Variants in LHPP observed in about 807,000 individuals in gnomAD.
LHPP encodes phospholysine phosphohistidine inorganic pyrophosphate phosphatase.
LHPP carries 24 observed loss-of-function variants against 30.3 expected under a neutral mutation model. The ratio of observed to expected loss-of-function variants is 0.79; its 90% confidence interval spans 0.57 to 1.11. The LOEUF is 1.11. Among genes scored for constraint, LHPP ranks in the 50% most tolerant of loss-of-function variants. LHPP has a pLI of 0.00. For synonymous variants in LHPP, 150 were observed against 157.1 expected (o/e 0.95, Z 0.34); for missense variants, 356 against 367.2 (o/e 0.97, Z 0.25).
rs927817918 is a variant in LHPP, at chr10:124,613,558, T to C, written c.*198T>C. 8 of 600,388 alleles carry C rather than the reference T, an allele frequency of 1.3e-5. No individual in the cohort carries two copies. The highest frequency in any genetic ancestry group is 4.4e-4 in the Middle Eastern group (1 of 2,256). 37.2% of individuals were successfully genotyped at this position (600,388 alleles called of 1,614,324 possible). A position where few individuals can be genotyped will look rare whatever the true frequency, so the allele number is the denominator to read the frequency against. On this transcript the variant is annotated 3_prime_UTR_variant, in exon 7 of 7. Transcript: ENST00000368842. ...CCTGACAGCCCTGCCTTCTGCCCTC[T>C]GCCCTGCATGGGCAGGCATTTGTTC... is the stretch of plus-strand genomic sequence containing the variant.
Position 124,517,508 on chromosome 10 carries a change from A to G in LHPP, c.716+237A>G. On this transcript the variant is annotated intron_variant, in intron 6 of 6. Transcript: ENST00000368842. The surrounding 1 kb of genome is among the most constrained non-coding windows in gnomAD (Gnocchi z 4.1). ...GGGTCTGGGTTTTGGAATGGCGTGC[A>G]GTGCAGAGAGAAATAAGCAAAGGCA... 1 of 302,818 alleles carries G rather than the reference A, an allele frequency of 3.3e-6. No homozygotes were observed. The highest frequency in any genetic ancestry group is 6.0e-5 in the East Asian group (1 of 16,634). The allele number at this position is 302,818 out of a possible 1,614,324, so 18.8% of individuals were successfully genotyped here.
At position 124,613,508 on chromosome 10, in the gene LHPP, C is replaced by T; in HGVS notation, c.*148C>T. On this transcript the variant is annotated 3_prime_UTR_variant, in exon 7 of 7. Coordinates refer to ENST00000368842, the MANE Select transcript of LHPP (RefSeq NM_022126.4). The stretch of plus-strand genomic sequence containing the variant: ...TCCACCCCTGCCTCCCCTCCACCTG[C>T]CCCAGTGCCCAGACCAACCAAGGCC... 1 of 651,492 alleles carries T rather than the reference C, an allele frequency of 1.5e-6. No homozygotes were observed. The allele number at this position is 651,492 out of a possible 1,614,324, so 40.4% of individuals were successfully genotyped here.
intron 1 of LHPP, among the ~76,000 whole-genome samples, chr10:124,470,325 C>T (rs549271106): frequency 1.3e-5 from 2 of 152,248 alleles, no homozygotes; most frequent in South Asian, 2.1e-4. Flanking sequence ...TTGGAGCCGG[C>T]GGAAGGAAGA....
At chr10:124,603,430 G>A (rs1007317835) in intron 6 of LHPP, among the ~76,000 whole-genome samples, 1 of 152,208 alleles carries the variant, frequency 6.6e-6, no homozygotes, top group South Asian at 2.1e-4. Flanking sequence ...GTGGGAAAGG[G>A]AGCTTGGCAC....
chr10:124,487,122 T>C (rs1953354167), intron 2 of LHPP, among the ~76,000 whole-genome samples: 1 of 152,270 alleles, frequency 6.6e-6, no homozygotes, highest in Admixed American at 6.5e-5. Flanking sequence ...GACCACAGTT[T>C]ATCCATTCAC....
intron 6 of LHPP, among the ~76,000 whole-genome samples, chr10:124,579,510 T>TGG (rs1948717586): frequency 6.6e-6 from 1 of 152,230 alleles, no homozygotes; most frequent in Admixed American, 6.5e-5. Flanking sequence ...CCCCTGATGA[T>TGG]GGACATGTAG....
intron 5 of LHPP, among the ~76,000 whole-genome samples, chr10:124,503,357 C>T (rs1417132678): frequency 6.6e-6 from 1 of 152,028 alleles, no homozygotes; most frequent in Non-Finnish European, 1.5e-5. Context: ...TGAGCCACCA[C>T]ATCCGGCCTT....
intron 6 of LHPP, among the ~76,000 whole-genome samples, chr10:124,565,157 C>T (rs888747249): frequency 6.6e-6 from 1 of 152,158 alleles, no homozygotes. Context: ...GCTTCACTCG[C>T]CGAAGCTCCC....
At chr10:124,495,777 T>G (rs1315774215) in intron 3 of LHPP, among the ~76,000 whole-genome samples, 1 of 152,246 alleles carries the variant, frequency 6.6e-6, no homozygotes, top group African/African-American at 2.4e-5. Context: ...TATTCTCCTG[T>G]CTCATCTGGG....
chr10:124,560,642 G>A (rs1048861822), intron 6 of LHPP, among the ~76,000 whole-genome samples: 6 of 152,180 alleles, frequency 3.9e-5, no homozygotes, highest in South Asian at 2.1e-4. Context: ...CCGTGCTCCC[G>A]ACGTCAGGCT....
chr10:124,587,765 A>C (rs796101459), intron 6 of LHPP, among the ~76,000 whole-genome samples: 1 of 140,998 alleles, frequency 7.1e-6, no homozygotes, highest in African/African-American at 2.7e-5. Flanking sequence ...AAAAAAAAAA[A>C]CCAAAAAAAC....
chr10:124,588,978 C>T (rs1275476077), intron 6 of LHPP, among the ~76,000 whole-genome samples: 1 of 152,218 alleles, frequency 6.6e-6, no homozygotes. Context: ...TTATTTATAG[C>T]CCTGGTGGAG....
At chr10:124,581,372 A>C (rs4962389) in intron 6 of LHPP, among the ~76,000 whole-genome samples, 53,271 of 151,824 alleles carry the variant, frequency 0.35, 9,554 homozygotes, top group East Asian at 0.49. Context: ...TTCATGGGCA[A>C]GTTTTTGTGT....
At chr10:124,526,887 G>A (rs754266531) in intron 6 of LHPP, among the ~76,000 whole-genome samples, 16 of 152,232 alleles carry the variant, frequency 1.1e-4, no homozygotes, top group Non-Finnish European at 2.2e-4. Flanking sequence ...CTGGGAAGCC[G>A]TGGCCAGGCC....
At chr10:124,470,681 C>CAACAATAAT (rs1554877242) in intron 1 of LHPP, among the ~76,000 whole-genome samples, 3,126 of 150,670 alleles carry the variant, frequency 0.021, 102 homozygotes, top group African/African-American at 0.069. Flanking sequence ...ACAACAACAA[C>CAACAATAAT]AATAATAATA....
chr10:124,588,807 T>A (rs1235864905), intron 6 of LHPP, among the ~76,000 whole-genome samples: 1 of 151,992 alleles, frequency 6.6e-6, no homozygotes, highest in African/African-American at 2.4e-5. Context: ...GCCTCCCTTG[T>A]CCCCTCCCTC....
intron 6 of LHPP, among the ~76,000 whole-genome samples, chr10:124,571,350 G>A (rs1375025728): frequency 2.0e-5 from 3 of 152,182 alleles, no homozygotes; most frequent in Non-Finnish European, 4.4e-5. Flanking sequence ...TGGCTCATGT[G>A]GTAATTCATG....
intron 6 of LHPP, among the ~76,000 whole-genome samples, chr10:124,591,466 TC>T (rs1948881560): frequency 6.6e-6 from 1 of 152,090 alleles, no homozygotes; most frequent in African/African-American, 2.4e-5. Context: ...TCCTGGTTTC[TC>T]TGGAAGCCTG....
Position 124,478,398 on chromosome 10 carries a change from ATGCTGCCCTTTTCCTGAGGCCCCC to A in LHPP, c.126-5733_126-5710del, listed in dbSNP as rs1238109098. On this transcript the variant is annotated intron_variant, in intron 1 of 6. Coordinates refer to ENST00000368842, the MANE Select transcript of LHPP (RefSeq NM_022126.4). This position sits in a 1 kb window ranked among gnomAD's most constrained non-coding sequence, Gnocchi z 4.7. ...CAGGGGGCCCAGCTGGGAGGGGCTC[ATGCTGCCCTTTTCCTGAGGCCCCC>A]TGCTGCCTGCCCAGTCTCCCCTCCG... Among the ~76,000 whole-genome samples the A allele has an allele frequency of 1.3e-5, 2 of 152,106 alleles. No homozygotes were observed. Among genetic ancestry groups the A allele is most frequent in the African/African-American group, 4.8e-5 (2 of 41,446 alleles).
Sources: allele counts gnomAD v4.1 joint callset (sites outside exome capture counted in the v4.1 genomes callset), GRCh38; gene constraint gnomAD v4.1.1; non-coding constraint Gnocchi (gnomAD v3.1); transcripts MANE v1.5; gene names NCBI Gene and HGNC (gene_info 2026-07-23, HGNC 2026-07-21).